Variants in CAMK1D observed in about 807,000 individuals in gnomAD.
CAMK1D encodes the protein calcium/calmodulin dependent protein kinase ID.
A neutral mutation model predicts 47.7 loss-of-function variants in CAMK1D; 9 were observed. That is an observed-to-expected ratio of 0.19 (90% CI 0.11 to 0.33). CAMK1D has a LOEUF of 0.33. Among genes scored for constraint, CAMK1D ranks in the 10% least tolerant of loss-of-function variants. The pLI, the probability that CAMK1D is intolerant of heterozygous loss-of-function variation, is 1.00. For synonymous variants in CAMK1D, 184 were observed against 184.9 expected (o/e 0.99, Z 0.04); for missense variants, 291 against 488.7 (o/e 0.60, Z 3.81).
intron 1 of CAMK1D, among the ~76,000 whole-genome samples, chr10:12,545,322 C>T (rs752989289): frequency 9.3e-5 from 4 of 43,092 alleles, no homozygotes; most frequent in African/African-American, 2.0e-4. Flanking sequence ...TGGTGGTGTG[C>T]GTCTGTAGTT....
intron 1 of CAMK1D, among the ~76,000 whole-genome samples, chr10:12,401,063 ATTTT>A (rs1839166103): frequency 1.1e-5 from 1 of 94,014 alleles, no homozygotes; most frequent in African/African-American, 4.1e-5. Context: ...TTATATATAT[ATTTT>A]ATATATATAA....
intron 3 of CAMK1D, among the ~76,000 whole-genome samples, chr10:12,708,019 C>G (rs1237453857): frequency 2.0e-5 from 3 of 152,292 alleles, no homozygotes; most frequent in Admixed American, 6.5e-5. Context: ...TAAGAGTGAC[C>G]GAGGCAGCAT....
rs545375726 is a variant in CAMK1D, at chr10:12,615,437, A to T, written c.225-51299A>T. ...GGAACTTAGGGAGTCTGAGTGTGTG[A>T]GTGTGTGCATGTGTGTGTGTAGGTG... On this transcript the variant is annotated intron_variant, in intron 2 of 10. Transcript: ENST00000619168. Among the ~76,000 whole-genome samples, 211 of 151,516 alleles carry T rather than the reference A, an allele frequency of 1.4e-3. 1 individual carries two copies. Among genetic ancestry groups the T allele is most frequent in the African/African-American group, 4.8e-3 (198 of 41,280 alleles).
In CAMK1D at chr10:12,429,069, G is replaced by A. The variant is rs536385678; in HGVS notation, c.92+79159G>A. Reference sequence around the variant, plus strand: ...ATGACACTCACTTTGGCCAGGAATGGGGGTATGGTGTGGCCTCTGCCCACC... The same window carrying A: ...ATGACACTCACTTTGGCCAGGAATGAGGGTATGGTGTGGCCTCTGCCCACC... On this transcript the variant is annotated intron_variant, in intron 1 of 10. Transcript: ENST00000619168. Among the ~76,000 whole-genome samples the A allele has an allele frequency of 1.5e-4, 23 of 152,260 alleles. No individual in the cohort carries two copies. The South Asian group carries it at 2.1e-3, about 14-fold the overall frequency.
intron 1 of CAMK1D, among the ~76,000 whole-genome samples, chr10:12,495,060 C>A (rs1039889294): frequency 6.6e-6 from 1 of 152,186 alleles, no homozygotes; most frequent in Non-Finnish European, 1.5e-5. Flanking sequence ...ACACCGCTAT[C>A]AAAATCGTTC....
At chr10:12,649,268 T>C (rs1286849860) in intron 2 of CAMK1D, among the ~76,000 whole-genome samples, 1 of 152,210 alleles carries the variant, frequency 6.6e-6, no homozygotes, top group Non-Finnish European at 1.5e-5. Context: ...CTGCGCTGTG[T>C]TGTCAGGTTC....
rs537163451 is a variant in CAMK1D at position 12,640,814 on chromosome 10, TG to T, written c.225-25920del. ...CCCCAGTGAATTCTGCAAACATGAT[TG>T]GTTTTTTTCAGTGTGTGGAAACAGG... On this transcript the variant is annotated intron_variant, in intron 2 of 10. Transcript: ENST00000619168. Among the ~76,000 whole-genome samples the T allele has an allele frequency of 3.8e-3, 586 of 152,340 alleles. 5 individuals are homozygous for T. Among genetic ancestry groups the T allele is most frequent in the African/African-American group, 0.013 (561 of 41,578 alleles).
At chr10:12,533,246 C>G (rs1343242323) in intron 1 of CAMK1D, among the ~76,000 whole-genome samples, 1 of 152,068 alleles carries the variant, frequency 6.6e-6, no homozygotes, top group Non-Finnish European at 1.5e-5. Flanking sequence ...AAAAGACTGC[C>G]CTTTCTGACG....
At chr10:12,372,140 T>C (rs974202944) in intron 1 of CAMK1D, among the ~76,000 whole-genome samples, 1 of 152,204 alleles carries the variant, frequency 6.6e-6, no homozygotes, top group Non-Finnish European at 1.5e-5. Flanking sequence ...AGGTGTGTAG[T>C]AGGCCATACC....
intron 5 of CAMK1D, among the ~76,000 whole-genome samples, chr10:12,774,228 A>G (rs1588910951): frequency 6.6e-6 from 1 of 152,166 alleles, no homozygotes; most frequent in East Asian, 1.9e-4. Context: ...TATGGAGAAA[A>G]ATGAAGCAGA....
chr10:12,427,700 G>GTTTTTTGTTTTTT (rs1840284197), intron 1 of CAMK1D, among the ~76,000 whole-genome samples: 1 of 31,026 alleles, frequency 3.2e-5, no homozygotes, highest in African/African-American at 1.1e-4. Context: ...TGAACTTACT[G>GTTTTTTGTTTTTT]TTTTTTTTTT....
At chr10:12,816,017 A>C (rs1237072429) in intron 7 of CAMK1D, among the ~76,000 whole-genome samples, 1 of 152,172 alleles carries the variant, frequency 6.6e-6, no homozygotes, top group African/African-American at 2.4e-5. Context: ...TTGGAGCTGG[A>C]AGTCAGGGTC....
At position 12,402,123 on chromosome 10, in the gene CAMK1D, A is replaced by G. The variant is rs577961310; in HGVS notation, c.92+52213A>G. Among the ~76,000 whole-genome samples the G allele has an allele frequency of 4.6e-5, 7 of 151,700 alleles. No individual in the cohort carries two copies. In the South Asian group the frequency reaches 1.5e-3, roughly 32 times the overall value. On this transcript the variant is annotated intron_variant, in intron 1 of 10. Coordinates refer to ENST00000619168, the MANE Select transcript of CAMK1D (RefSeq NM_153498.4). The stretch of plus-strand genomic sequence containing the variant: ...CTCGCTCTGTCGCCTTGTGTTTTTA[A>G]TAGAGACAGGGTTTTGCCATGTTGG...
chr10:12,611,612 G>A, intron 2 of CAMK1D, among the ~76,000 whole-genome samples: 1 of 8,846 alleles, frequency 1.1e-4, no homozygotes, highest in East Asian at 8.2e-3. Context: ...TTTTTTTTGA[G>A]ACAGAGTCTT....
chr10:12,610,482 T>C (rs1171699408), intron 2 of CAMK1D, among the ~76,000 whole-genome samples: 1 of 152,170 alleles, frequency 6.6e-6, no homozygotes, highest in Non-Finnish European at 1.5e-5. Context: ...AAACCCACCA[T>C]GTTACCGTGA....
rs4564217 is a variant in CAMK1D at position 12,832,120 on chromosome 10, G to A, written c.*3233G>A. The A allele has an allele frequency of 1, 152,154 of 152,388 alleles. 75,961 individuals carry two copies. Among genetic ancestry groups the A allele is most frequent in the Middle Eastern group, 1 (296 of 296 alleles). The allele number at this position is 152,388 out of a possible 1,614,324, so 9.4% of individuals were successfully genotyped here. On this transcript the variant is annotated 3_prime_UTR_variant, in exon 11 of 11. Transcript: ENST00000619168. ...GTGGATTCTCTTTTCCTCACTTGGA[G>A]TATTCAATGTTGAAGTAGTGGCCTG...
At chr10:12,493,986 C>T (rs563964310) in intron 1 of CAMK1D, among the ~76,000 whole-genome samples, 38 of 152,256 alleles carry the variant, frequency 2.5e-4, no homozygotes, top group African/African-American at 3.6e-4. Context: ...AGGGGAAATA[C>T]GCTGGTGGAT....
Position 12,349,854 on chromosome 10 carries a change from G to C in CAMK1D, c.36G>C (p.Trp12Cys). 2.6e-6 allele frequency: 4 copies of C among 1,539,210 alleles called. No homozygotes were observed. The highest frequency in any genetic ancestry group is 3.5e-6 in the Non-Finnish European group (4 of 1,141,572). The change falls in exon 1 of 11, where the codon TGG (tryptophan) becomes TGC (cysteine). Residue 12 changes from tryptophan to cysteine, a missense_variant. By Grantham distance (215) the Trp-to-Cys change is radical. Around this residue, in one of 2 missense-constraint regions of CAMK1D, gnomAD observed 219 missense variants for 424.3 expected, o/e 0.52. Coordinates refer to ENST00000619168, the MANE Select transcript of CAMK1D (RefSeq NM_153498.4). ...AGAACGGCGAGAGCAGCTCCTCCTG[G>C]AAAAAGCAAGCTGAAGACATCAAGA... ...ARENGESSSS[W>C]KKQAEDIKKI...
chr10:12,515,575 G>A lies in CAMK1D; in HGVS notation c.93-37650G>A, dbSNP rs7909637. Reference sequence around the variant, plus strand: ...CAATGCTATCCCTCCCCCCTCCCCCGACCCCACCACAGTCCCCAGAGTGTG... The same window carrying A: ...CAATGCTATCCCTCCCCCCTCCCCCAACCCCACCACAGTCCCCAGAGTGTG... On this transcript the variant is annotated intron_variant, in intron 1 of 10. Coordinates refer to ENST00000619168, the MANE Select transcript of CAMK1D (RefSeq NM_153498.4). Among the ~76,000 whole-genome samples the A allele has an allele frequency of 2.4e-3, 152 of 62,386 alleles. 1 individual carries two copies. The highest frequency in any genetic ancestry group is 3.0e-3 in the African/African-American group (44 of 14,914). 40.9% of individuals were successfully genotyped at this position (62,386 alleles called of 152,430 possible).
Sources: gnomAD v4.1 joint callset for allele counts (sites outside exome capture counted in the v4.1 genomes callset) on GRCh38, gnomAD v4.1.1 for gene constraint, gnomAD v4.1.1 regional missense constraint, MANE v1.5 for transcripts, NCBI Gene and HGNC (gene_info 2026-07-23, HGNC 2026-07-21) for gene names.